The following RBBP8 variants were observed in gnomAD, a reference collection of about 807,000 sequenced individuals.
RBBP8 encodes the protein RB binding protein 8, endonuclease.
A neutral mutation model predicts 108.3 loss-of-function variants in RBBP8; 88 were observed. That is an observed-to-expected ratio of 0.81 (90% CI 0.68 to 0.97). RBBP8 has a LOEUF of 0.97. Among genes scored for constraint, RBBP8 ranks in the 50% least tolerant of loss-of-function variants. The pLI is 0.00. For synonymous variants in RBBP8, 332 were observed against 348.2 expected (o/e 0.95, Z 0.52); for missense variants, 1,023 against 1,049.0 (o/e 0.98, Z 0.34).
chr18:22,938,931 G>A, intron 2 of RBBP8, among the ~76,000 whole-genome samples: 1 of 152,156 alleles, frequency 6.6e-6, no homozygotes, highest in South Asian at 2.1e-4. Flanking sequence ...GAGTTTTAGA[G>A]GATTAAGCAA....
chr18:23,014,043 A>T (rs1438999316), intron 16 of RBBP8, among the ~76,000 whole-genome samples: 3 of 152,184 alleles, frequency 2.0e-5, no homozygotes, highest in African/African-American at 7.2e-5. Context: ...TCTGTCACCC[A>T]GGCTGGAGTG....
At chr18:22,942,018 G>A (rs1236225699) in intron 2 of RBBP8, among the ~76,000 whole-genome samples, 2 of 151,978 alleles carry the variant, frequency 1.3e-5, no homozygotes, top group Admixed American at 1.3e-4. Context: ...TATAAAATTA[G>A]AGTCTCTATA....
At chr18:22,938,794 C>T (rs960969926) in intron 2 of RBBP8, among the ~76,000 whole-genome samples, 3 of 152,108 alleles carry the variant, frequency 2.0e-5, no homozygotes, top group African/African-American at 7.2e-5. Flanking sequence ...TTGACAAACC[C>T]GTAGCACTGA....
At chr18:22,944,536 T>G (rs1780749608) in intron 2 of RBBP8, among the ~76,000 whole-genome samples, 1 of 152,254 alleles carries the variant, frequency 6.6e-6, no homozygotes, top group African/African-American at 2.4e-5. Flanking sequence ...TTTTGGTTTT[T>G]TAAACAACTC....
intron 7 of RBBP8, among the ~76,000 whole-genome samples, chr18:22,982,924 CTGAACT>C (rs1282680068): frequency 6.6e-6 from 1 of 152,186 alleles, no homozygotes; most frequent in African/African-American, 2.4e-5. Flanking sequence ...CTTCTTAGCT[CTGAACT>C]TTCCTACTCT....
intron 15 of RBBP8, among the ~76,000 whole-genome samples, chr18:23,005,053 C>T (rs1178882143): frequency 1.3e-5 from 2 of 152,252 alleles, no homozygotes; most frequent in East Asian, 3.9e-4. Context: ...GTCCCAGCTA[C>T]TTGGGAGGCT....
intron 1 of RBBP8, among the ~76,000 whole-genome samples, chr18:22,934,481 CTTTT>C (rs1248024985): frequency 2.0e-5 from 3 of 150,758 alleles, no homozygotes; most frequent in East Asian, 3.9e-4. Context: ...TTTATGTCTT[CTTTT>C]TTTTTCTTTT....
Position 23,026,179 on chromosome 18 carries a change from C to A in RBBP8, c.2633C>A (p.Pro878Gln). ...IKEDLDPCPR[P>Q]KRRQPYNAIF... ...GAAGATCTTGATCCTTGTCCTCGTC[C>A]AAAAAGACGTCAGCCTTACAACGCA... is the stretch of plus-strand genomic sequence containing the variant. The change falls in exon 19 of 19, where the codon CCA becomes CAA. Residue 878 changes from proline (P) to glutamine (Q), a missense_variant. Physicochemically the swap from Pro to Gln is moderately conservative, Grantham distance 76. Transcript: ENST00000327155. 6.2e-7 allele frequency: 1 copy of A among 1,613,640 alleles called. No homozygotes were observed. The highest frequency in any genetic ancestry group is 1.1e-5 in the South Asian group (1 of 91,048).
At chr18:22,931,030 G>C (rs1328003152), upstream of RBBP8, among the ~76,000 whole-genome samples, 1 of 152,194 alleles carries the variant, frequency 6.6e-6, no homozygotes. Context: ...TCTTGCCTCA[G>C]CCACCCAAAG....
intron 3 of RBBP8, among the ~76,000 whole-genome samples, chr18:22,946,866 AG>A (rs1223577116): frequency 6.6e-6 from 1 of 152,126 alleles, no homozygotes; most frequent in Admixed American, 6.5e-5. Flanking sequence ...CTACAAGACG[AG>A]GAGCAGAATA....
intron 6 of RBBP8, among the ~76,000 whole-genome samples, chr18:22,978,954 C>A (rs1242882415): frequency 6.6e-6 from 1 of 152,134 alleles, no homozygotes; most frequent in African/African-American, 2.4e-5. Context: ...TAAGTAGATA[C>A]AATTATTATT....
chr18:23,006,223 T>G (rs1327549348), intron 15 of RBBP8, 140 bp from the exon 16 acceptor site: 3 of 728,350 alleles, frequency 4.1e-6, no homozygotes, highest in East Asian at 5.5e-5. Context: ...TGCAGAAAAT[T>G]TAAATGAGTT....
intron 2 of RBBP8, among the ~76,000 whole-genome samples, chr18:22,945,659 C>G (rs1911498911): frequency 1.3e-5 from 2 of 152,128 alleles, no homozygotes; most frequent in Admixed American, 1.3e-4. Context: ...GCTGGTATTA[C>G]AGGCATGAAT....
At chr18:22,942,404 A>G (rs1318747625) in intron 2 of RBBP8, among the ~76,000 whole-genome samples, 1 of 152,134 alleles carries the variant, frequency 6.6e-6, no homozygotes, top group Non-Finnish European at 1.5e-5. Flanking sequence ...CACTGATCAC[A>G]ACAATATAAT....
intron 8 of RBBP8, among the ~76,000 whole-genome samples, chr18:22,987,056 TCCC>T (rs1042958506): frequency 6.6e-6 from 1 of 152,158 alleles, no homozygotes; most frequent in Non-Finnish European, 1.5e-5. Flanking sequence ...TAAAAAATAA[TCCC>T]CCTTTTAATA....
chr18:22,973,907 A>G (rs967485700), intron 5 of RBBP8, among the ~76,000 whole-genome samples: 11 of 152,240 alleles, frequency 7.2e-5, no homozygotes, highest in Non-Finnish European at 1.2e-4. Context: ...AACCTATAAA[A>G]CATGTTTATG....
At chr18:22,947,644 T>C (rs1183104885) in intron 3 of RBBP8, among the ~76,000 whole-genome samples, 2 of 152,226 alleles carry the variant, frequency 1.3e-5, no homozygotes, top group East Asian at 3.9e-4. Context: ...AGTTAGTGAT[T>C]GGTGTAGTAA....
At chr18:22,961,591 A>C (rs919958684) in intron 4 of RBBP8, among the ~76,000 whole-genome samples, 6 of 152,220 alleles carry the variant, frequency 3.9e-5, no homozygotes. Context: ...TGCGGGCTGC[A>C]TGTGGCCCAG....
At chr18:23,022,663 T>TATAAAA (rs1555650174) in intron 18 of RBBP8, among the ~76,000 whole-genome samples, 5 of 99,820 alleles carry the variant, frequency 5.0e-5, no homozygotes, top group African/African-American at 1.2e-4. Flanking sequence ...TAAAATAAAA[T>TATAAAA]AAAATAAATA....
Sources: allele counts gnomAD v4.1 joint callset (sites outside exome capture counted in the v4.1 genomes callset), GRCh38; gene constraint gnomAD v4.1.1; transcripts MANE v1.5; gene names NCBI Gene and HGNC (gene_info 2026-07-23, HGNC 2026-07-21).